Variants in ZNF341 observed in about 807,000 individuals in gnomAD.
ZNF341 encodes zinc finger protein 341.
Under a neutral mutation model 87.7 loss-of-function variants are expected in ZNF341, and 52 were observed. The observed-to-expected ratio is 0.59, with a 90% CI of 0.47 to 0.75. The LOEUF is 0.75. Among genes scored for constraint, ZNF341 ranks in the 30% least tolerant of loss-of-function variants. The pLI, the probability that ZNF341 is intolerant of heterozygous loss-of-function variation, is 0.00. For synonymous variants in ZNF341, 459 were observed against 472.7 expected (o/e 0.97, Z 0.38); for missense variants, 977 against 1,145.9 (o/e 0.85, Z 2.13).
Position 33,770,024 on chromosome 20 carries a change from G to A in ZNF341, c.1414-60G>A, listed in dbSNP as rs574249422. 5.8e-6 allele frequency: 7 copies of A among 1,213,204 alleles called. No homozygotes were observed. In the Admixed American group the frequency reaches 1.3e-4, roughly 22 times the overall value. 75.2% of individuals were successfully genotyped at this position (1,213,204 alleles called of 1,614,324 possible). A position where few individuals can be genotyped will look rare whatever the true frequency, so the allele number is the denominator to read the frequency against. On this transcript the variant is annotated intron_variant, in intron 9 of 14. Coordinates refer to ENST00000375200, the MANE Select transcript of ZNF341 (RefSeq NM_001282933.2). ...TGTCCAAGGCCAATGCCACAGGCCA[G>A]GGGCTGCAGTGGAGGAAGCTCTCCT... is the stretch of plus-strand genomic sequence containing the variant.
Position 33,758,784 on chromosome 20 carries a change from G to T in ZNF341, c.1006G>T (p.Asp336Tyr). The T allele has an allele frequency of 6.2e-7, 1 of 1,613,898 alleles. No individual in the cohort carries two copies. The highest frequency in any genetic ancestry group is 1.1e-5 in the South Asian group (1 of 90,986). ...YCDKSFTKNF[D>Y]LQQHIRSHTG... Reference sequence around the variant, plus strand: ...TGACAAGTCATTCACCAAAAACTTTGACCTGCAGCAGCACATCCGAAGGTA... The same window carrying T: ...TGACAAGTCATTCACCAAAAACTTTTACCTGCAGCAGCACATCCGAAGGTA... Residue 336 changes from aspartate (D) to tyrosine (Y), a missense_variant, in exon 7 of 15, where the codon GAC becomes TAC. Physicochemically the swap from Asp to Tyr is radical, Grantham distance 160. This residue lies in a region of ZNF341 where 515 missense variants were observed against 598.2 expected (regional missense o/e 0.86). Coordinates refer to ENST00000375200, the MANE Select transcript of ZNF341 (RefSeq NM_001282933.2).
In ZNF341 at chr20:33,753,412, C is replaced by A; in HGVS notation, c.730C>A (p.Pro244Thr). Residue 244 changes from proline to threonine, a missense_variant, in exon 5 of 15, where the codon CCA (proline) becomes ACA (threonine). By Grantham distance (38) the Pro-to-Thr change is conservative. This residue lies in a region of ZNF341 where 515 missense variants were observed against 598.2 expected (regional missense o/e 0.86). Transcript: ENST00000375200. ...EIQALGMQPYPPLEVPNQCVE... is the reference protein window; with the variant it reads ...EIQALGMQPYTPLEVPNQCVE... The stretch of plus-strand genomic sequence containing the variant: ...CCAGGCACTGGGGATGCAGCCCTAC[C>A]CACCCCTAGAGGTGAGCAGAGGGGG... 1 of 1,602,878 alleles carries A rather than the reference C, an allele frequency of 6.2e-7. No individual in the cohort carries two copies.
rs2020048544 is a variant in ZNF341, at chr20:33,791,977, T to C, written c.*460T>C. 1 of 158,326 alleles carries C rather than the reference T, an allele frequency of 6.3e-6. No individual in the cohort carries two copies. The highest frequency in any genetic ancestry group is 1.4e-5 in the Non-Finnish European group (1 of 72,292). 9.8% of individuals were successfully genotyped at this position (158,326 alleles called of 1,614,324 possible). On this transcript the variant is annotated 3_prime_UTR_variant, in exon 15 of 15. Transcript: ENST00000375200. Reference sequence around the variant, plus strand: ...TTTTCACAGACGGTTCCCCACAGCATCCTCAGACAGCTCTGTGATGTAGCT... The same window carrying C: ...TTTTCACAGACGGTTCCCCACAGCACCCTCAGACAGCTCTGTGATGTAGCT...
chr20:33,766,087 G>A (rs901639572), intron 8 of ZNF341, among the ~76,000 whole-genome samples: 1 of 152,084 alleles, frequency 6.6e-6, no homozygotes, highest in Non-Finnish European at 1.5e-5. Flanking sequence ...GTTTCACCAT[G>A]TTGGCCAGGC....
intron 1 of ZNF341, among the ~76,000 whole-genome samples, chr20:33,739,290 T>C (rs2018755247): frequency 1.3e-5 from 2 of 152,186 alleles, no homozygotes; most frequent in Non-Finnish European, 1.5e-5. Flanking sequence ...TCTGATGGTT[T>C]CAATTTGCAT....
rs1337564473 is a variant in ZNF341 at position 33,761,876 on chromosome 20, A to G, written c.1043A>G (p.Lys348Arg). The G allele has an allele frequency of 6.4e-7, 1 of 1,559,076 alleles. No homozygotes were observed. Among genetic ancestry groups the G allele is most frequent in the East Asian group, 2.3e-5 (1 of 43,062 alleles). Residue 348 changes from lysine to arginine, a missense_variant, in exon 8 of 15, where the codon AAG (lysine) becomes AGG (arginine). Transcript: ENST00000375200. ...QQHIRSHTGE[K>R]PFQCIACGRA... ...GTCTTCCACAGCCACACCGGTGAGA[A>G]GCCCTTCCAGTGCATTGCATGTGGC...
chr20:33,749,140 A>C, intron 4 of ZNF341, 68 bp downstream of exon 4: 2 of 1,542,188 alleles, frequency 1.3e-6, no homozygotes, highest in Non-Finnish European at 1.8e-6. Context: ...GCAGATTCAG[A>C]ATCTTGTAGA....
intron 4 of ZNF341, chr20:33,752,500 G>A (rs922633339): frequency 2.0e-5 from 10 of 502,106 alleles, no homozygotes; most frequent in African/African-American, 9.7e-5. Context: ...ATTGATGGCC[G>A]AATGACCCTT....
chr20:33,755,507 T>G (rs2019158013), intron 5 of ZNF341, among the ~76,000 whole-genome samples: 1 of 152,018 alleles, frequency 6.6e-6, no homozygotes, highest in East Asian at 1.9e-4. Context: ...TTTGTCTGAT[T>G]TTATTACTCC....
intron 4 of ZNF341, 121 bp downstream of exon 4, chr20:33,749,193 G>A: frequency 3.0e-6 from 4 of 1,338,012 alleles, no homozygotes; most frequent in Non-Finnish European, 4.0e-6. Flanking sequence ...GCTGAGGGAG[G>A]CTATCAGCTT....
At chr20:33,757,045 G>C (rs946496493) in intron 5 of ZNF341, 103 bp from the exon 6 acceptor site, 7 of 949,762 alleles carry the variant, frequency 7.4e-6, no homozygotes, top group Non-Finnish European at 1.0e-5. Context: ...TGATGTAGGG[G>C]AGAGCGGCTG....
rs746543699 is a variant in ZNF341, at chr20:33,753,297, C to A, written c.615C>A (p.Gly205=). The part of the protein sequence containing the change: ...QPPPPPPQSL[G]PPGRPNPGGN... Reference sequence around the variant, plus strand: ...CACCACCTCCACCCCAGAGCCTGGGCCCCCCTGGGCGTCCCAACCCTGGTG... The same window carrying A: ...CACCACCTCCACCCCAGAGCCTGGGACCCCCTGGGCGTCCCAACCCTGGTG... Residue 205 remains glycine, a synonymous_variant, in exon 5 of 15, where the codon GGC becomes GGA. Transcript: ENST00000375200. 4 of 1,611,536 alleles carry A rather than the reference C, an allele frequency of 2.5e-6. No homozygotes were observed. The highest frequency in any genetic ancestry group is 3.4e-6 in the Non-Finnish European group (4 of 1,179,172).
intron 13 of ZNF341, 43 bp downstream of exon 13, chr20:33,789,017 A>C: frequency 7.3e-7 from 1 of 1,371,920 alleles, no homozygotes; most frequent in Non-Finnish European, 1.0e-6. Flanking sequence ...AGCGGGACAG[A>C]TTCTCCAGGG....
chr20:33,742,017 G>A (rs1340591226), intron 2 of ZNF341, among the ~76,000 whole-genome samples: 2 of 152,112 alleles, frequency 1.3e-5, no homozygotes, highest in African/African-American at 2.4e-5. Context: ...TCTGTGTTAC[G>A]CGAAGTCCTG....
chr20:33,770,239 C>T lies in ZNF341; in HGVS notation c.1569C>T (p.Tyr523=), dbSNP rs936818113. 6.2e-7 allele frequency: 1 copy of T among 1,614,118 alleles called. No homozygotes were observed. The highest frequency in any genetic ancestry group is 8.5e-7 in the Non-Finnish European group (1 of 1,180,014). ...TGTACGACCTGGGCGTGCACCAGTA[C>T]TCCCACAGCCTCCTGCCACAGCACA... ...PSLYDLGVHQ[Y]SHSLLPQHSP... The change falls in exon 10 of 15, where the codon TAC becomes TAT. Residue 523 remains tyrosine (Y), a synonymous_variant. Transcript: ENST00000375200.
intron 7 of ZNF341, among the ~76,000 whole-genome samples, chr20:33,760,021 G>A (rs188633427): frequency 2.6e-5 from 4 of 152,332 alleles, no homozygotes; most frequent in Admixed American, 2.6e-4. Context: ...AATGCCAAAT[G>A]TTCCCTGGAG....
Position 33,791,535 on chromosome 20 carries a change from T to C in ZNF341, c.*18T>C, listed in dbSNP as rs116099836. The C allele has an allele frequency of 5.3e-4, 811 of 1,529,130 alleles. 5 individuals carry two copies. In the African/African-American group the frequency reaches 9.3e-3, roughly 17 times the overall value. The allele number at this position is 1,529,130 out of a possible 1,614,324, so 94.7% of individuals were successfully genotyped here. The stretch of plus-strand genomic sequence containing the variant: ...CCGAGTGACGGACCTGAGGTGTCTG[T>C]TTCCTGGGCAGGCCTGATGCTCCTG... On this transcript the variant is annotated 3_prime_UTR_variant, in exon 15 of 15. Transcript: ENST00000375200.
In ZNF341 at chr20:33,732,119, A is replaced by G. The variant is rs2018577000; in HGVS notation, c.31+67A>G. On this transcript the variant is annotated intron_variant, in intron 1 of 14. Coordinates refer to ENST00000375200, the MANE Select transcript of ZNF341 (RefSeq NM_001282933.2). This position sits in a 1 kb window ranked among gnomAD's most constrained non-coding sequence, Gnocchi z 4.5. ...GCGCCCCCTCCCGCCGCGCCCTCGCAGCGCCCGGCCTAGGGCGCGCAGCGG... is the reference window on the plus strand; with the variant it reads ...GCGCCCCCTCCCGCCGCGCCCTCGCGGCGCCCGGCCTAGGGCGCGCAGCGG... 1 of 1,091,072 alleles carries G rather than the reference A, an allele frequency of 9.2e-7. No individual in the cohort carries two copies. The allele number at this position is 1,091,072 out of a possible 1,614,324, so 67.6% of individuals were successfully genotyped here. A position where few individuals can be genotyped will look rare whatever the true frequency, so the allele number is the denominator to read the frequency against.
At chr20:33,785,148 A>C (rs1482347927) in intron 12 of ZNF341, among the ~76,000 whole-genome samples, 1 of 152,138 alleles carries the variant, frequency 6.6e-6, no homozygotes, top group Non-Finnish European at 1.5e-5. Flanking sequence ...GACGGGACAA[A>C]AGCATATATA....
Sources: gnomAD v4.1 joint callset for allele counts (sites outside exome capture counted in the v4.1 genomes callset) on GRCh38, gnomAD v4.1.1 for gene constraint, gnomAD v4.1.1 regional missense constraint, Gnocchi (gnomAD v3.1) non-coding constraint, MANE v1.5 for transcripts, NCBI Gene and HGNC (gene_info 2026-07-23, HGNC 2026-07-21) for gene names.